UCHL5: variants seen among roughly 807,000 people sequenced by gnomAD.
UCHL5 encodes ubiquitin carboxyl-terminal hydrolase isozyme L5.
UCHL5 carries 34 observed loss-of-function variants against 53.8 expected under a neutral mutation model. The ratio of observed to expected loss-of-function variants is 0.63; its 90% CI spans 0.48 to 0.84. UCHL5 has a LOEUF of 0.84. UCHL5 is among the 40% of genes least tolerant of loss of function. UCHL5 has a pLI of 0.00. For synonymous variants in UCHL5, 111 were observed against 126.3 expected (o/e 0.88, Z 0.81); for missense variants, 290 against 385.6 (o/e 0.75, Z 2.08).
chr1:193,031,090 G>A (rs975440353), intron 3 of UCHL5, among the ~76,000 whole-genome samples: 7 of 152,038 alleles, frequency 4.6e-5, no homozygotes, highest in Admixed American at 6.6e-5. Context: ...ATTTTGATCC[G>A]AATCACAGTT....
At chr1:193,033,360 C>T (rs1479166120) in intron 3 of UCHL5, among the ~76,000 whole-genome samples, 1 of 151,964 alleles carries the variant, frequency 6.6e-6, no homozygotes, top group African/African-American at 2.4e-5. Context: ...GGGAACATCA[C>T]ACACCGGGGC....
At chr1:193,037,174 T>TA (rs1386491846) in intron 3 of UCHL5, among the ~76,000 whole-genome samples, 1 of 151,004 alleles carries the variant, frequency 6.6e-6, no homozygotes, top group African/African-American at 2.4e-5. Flanking sequence ...AATCGAGACT[T>TA]AAAAAAACAA....
upstream of UCHL5, chr1:193,059,948 A>T: frequency 7.3e-7 from 1 of 1,366,436 alleles, no homozygotes; most frequent in Non-Finnish European, 9.8e-7. The surrounding 1 kb of genome is among the most constrained non-coding windows in gnomAD (Gnocchi z 4.9). Context: ...ACCCTGGGTA[A>T]CGGAACCAGC....
At chr1:193,047,306 G>C (rs1448582116) in intron 3 of UCHL5, among the ~76,000 whole-genome samples, 1 of 152,060 alleles carries the variant, frequency 6.6e-6, no homozygotes. Context: ...GGTTAGTAGA[G>C]ATGGGTGTGG....
chr1:193,033,949 A>G lies in UCHL5; in HGVS notation c.247-4292T>C, dbSNP rs547014377. The stretch of plus-strand genomic sequence containing the variant: ...GCTTGTTGTTCAAGAGACAATGAGC[A>G]TATTGGTCATTTGTACTAGTGTGGT... On this transcript the variant is annotated intron_variant, in intron 3 of 10. Coordinates refer to ENST00000367454, the MANE Select transcript of UCHL5 (RefSeq NM_001199261.3). Among the ~76,000 whole-genome samples, 514 of 152,348 alleles carry G rather than the reference A, an allele frequency of 3.4e-3. 4 individuals carry two copies. The highest frequency in any genetic ancestry group is 0.011 in the African/African-American group (477 of 41,592).
intron 3 of UCHL5, among the ~76,000 whole-genome samples, chr1:193,039,569 T>C (rs977447748): frequency 3.3e-5 from 5 of 152,206 alleles, no homozygotes; most frequent in East Asian, 1.9e-4. Context: ...ATGACAATTC[T>C]ACTGAAAGCA....
At chr1:193,026,991 C>T (rs541581180) in intron 7 of UCHL5, among the ~76,000 whole-genome samples, 46 of 152,036 alleles carry the variant, frequency 3.0e-4, no homozygotes, top group African/African-American at 8.2e-4. Context: ...AAAGCTAATG[C>T]GAAAAGGCTA....
intron 10 of UCHL5, among the ~76,000 whole-genome samples, 166 bp from the exon 11 acceptor site, chr1:193,016,561 T>A (rs1462006613): frequency 2.0e-5 from 3 of 151,856 alleles, no homozygotes; most frequent in African/African-American, 7.2e-5. Flanking sequence ...TAACAAACTT[T>A]TCCTGGACAA....
intron 3 of UCHL5, among the ~76,000 whole-genome samples, chr1:193,033,963 T>C (rs567001301): frequency 3.3e-5 from 5 of 152,352 alleles, no homozygotes; most frequent in African/African-American, 1.2e-4. Context: ...TGGTCATTTG[T>C]ACTAGTGTGG....
At chr1:193,053,886 AT>A (rs1571939072) in intron 1 of UCHL5, among the ~76,000 whole-genome samples, 1 of 152,210 alleles carries the variant, frequency 6.6e-6, no homozygotes, top group South Asian at 2.1e-4. Flanking sequence ...ATACTTAAAA[AT>A]GTCACAATCT....
intron 1 of UCHL5, among the ~76,000 whole-genome samples, chr1:193,053,754 T>C (rs1269848088): frequency 2.6e-5 from 4 of 152,206 alleles, no homozygotes; most frequent in South Asian, 4.1e-4. Flanking sequence ...CCCAATAATA[T>C]ATATTAAATA....
intron 7 of UCHL5, 107 bp downstream of exon 7, chr1:193,027,978 A>G (rs1458860720): frequency 1.3e-6 from 2 of 1,547,522 alleles, no homozygotes; most frequent in African/African-American, 1.4e-5. Flanking sequence ...AAAAAGAAAA[A>G]AAAAAGTAGA....
rs2102210351 is a variant in UCHL5, at chr1:193,013,844, T to G, written c.*2507A>C. 1 of 152,264 alleles carries G rather than the reference T, an allele frequency of 6.6e-6. No homozygotes were observed. The highest frequency in any genetic ancestry group is 3.4e-3 in the Middle Eastern group (1 of 294). 9.4% of individuals were successfully genotyped at this position (152,264 alleles called of 1,614,324 possible). On this transcript the variant is annotated 3_prime_UTR_variant, in exon 11 of 11. Coordinates refer to ENST00000367454, the MANE Select transcript of UCHL5 (RefSeq NM_001199261.3). ...GTGGTTGTGATTCCCGAGCAAATAT[T>G]TGTCTGTTTTAGTGGCACAGTCGAG... is the stretch of plus-strand genomic sequence containing the variant.
At chr1:193,017,569 T>C (rs1009214681) in intron 10 of UCHL5, among the ~76,000 whole-genome samples, 5 of 151,630 alleles carry the variant, frequency 3.3e-5, no homozygotes, top group African/African-American at 9.7e-5. Context: ...ATAATAAATA[T>C]AATTTGGTTT....
At chr1:193,052,693 T>C (rs1669437974) in intron 1 of UCHL5, among the ~76,000 whole-genome samples, 1 of 152,198 alleles carries the variant, frequency 6.6e-6, no homozygotes. Context: ...TTTGGAGGAA[T>C]TAATGAGATA....
chr1:193,029,662 A>C lies in UCHL5; in HGVS notation c.247-5T>G. On this transcript the variant is annotated splice_polypyrimidine_tract_variant and splice_region_variant and intron_variant, in intron 3 of 10. Coordinates refer to ENST00000367454, the MANE Select transcript of UCHL5 (RefSeq NM_001199261.3). Reference sequence around the variant, plus strand: ...AGCACAAGCATTATTAATTACCTATAAAATATAAAAGTGAAGATATCAATG... The same window carrying C: ...AGCACAAGCATTATTAATTACCTATCAAATATAAAAGTGAAGATATCAATG... 1 of 1,583,244 alleles carries C rather than the reference A, an allele frequency of 6.3e-7. No homozygotes were observed. Among genetic ancestry groups the C allele is most frequent in the Non-Finnish European group, 8.6e-7 (1 of 1,168,736 alleles).
intron 3 of UCHL5, among the ~76,000 whole-genome samples, chr1:193,033,519 A>AAT (rs113745249): frequency 0.018 from 2,793 of 151,016 alleles, 42 homozygotes; most frequent in Middle Eastern, 0.059. Context: ...TAAAGTATAC[A>AAT]ATATATATAT....
chr1:193,026,276 A>G (rs1053858875), intron 7 of UCHL5, among the ~76,000 whole-genome samples: 1 of 152,162 alleles, frequency 6.6e-6, no homozygotes, highest in African/African-American at 2.4e-5. Context: ...AACACAATTC[A>G]TAGTGTCAAA....
chr1:193,037,681 T>C (rs1664010907), intron 3 of UCHL5, among the ~76,000 whole-genome samples: 1 of 151,952 alleles, frequency 6.6e-6, no homozygotes, highest in South Asian at 2.1e-4. Context: ...ACAAAAAAAC[T>C]ACAGACCAGT....
Sources: allele counts gnomAD v4.1 joint callset (sites outside exome capture counted in the v4.1 genomes callset), GRCh38; gene constraint gnomAD v4.1.1; non-coding constraint Gnocchi (gnomAD v3.1); transcripts MANE v1.5; gene names NCBI Gene and HGNC (gene_info 2026-07-23, HGNC 2026-07-21).